KCNH7: variants seen among roughly 807,000 people sequenced by gnomAD.
KCNH7 encodes the protein voltage-gated inwardly rectifying potassium channel KCNH7.
A neutral mutation model predicts 120.8 loss-of-function variants in KCNH7; 49 were observed. That is an observed-to-expected ratio of 0.41 (90% CI 0.32 to 0.51). KCNH7 has a LOEUF of 0.51. Among genes scored for constraint, KCNH7 ranks in the 20% least tolerant of loss-of-function variants. The pLI is 0.38. For missense variants in KCNH7, 1,097 were observed against 1,446.6 expected, an observed-to-expected ratio of 0.76 and a Z score of 3.92; for synonymous variants, 547 against 516.1, an observed-to-expected ratio of 1.06 and a Z score of -0.81.
At position 162,638,530 on chromosome 2, in the gene KCNH7, CG is replaced by C. The variant is rs1444583929; in HGVS notation, c.308-101451del. Among the ~76,000 whole-genome samples the C allele has an allele frequency of 2.6e-5, 4 of 151,992 alleles. No homozygotes were observed. In the East Asian group the frequency reaches 7.7e-4, roughly 29 times the overall value. ...AACATGTCACATCATTAACTCTGAA[CG>C]GTTGATGAAATAGTAATAAAGAGCA... On this transcript the variant is annotated intron_variant, in intron 2 of 15. Transcript: ENST00000332142.
rs181220106 is a variant in KCNH7, at chr2:162,712,615, G to A, written c.307+123922C>T. Among the ~76,000 whole-genome samples the A allele has an allele frequency of 6.1e-4, 93 of 151,856 alleles. 3 individuals carry two copies. In the East Asian group the frequency reaches 0.016, roughly 27 times the overall value. ...AGATGACAGATTAAATGAACAATTC[G>A]GTCTCAAAATGTTCTTGAAATAGGT... is the stretch of plus-strand genomic sequence containing the variant. On this transcript the variant is annotated intron_variant, in intron 2 of 15. Transcript: ENST00000332142.
At chr2:162,817,230 C>T (rs1381939348) in intron 2 of KCNH7, among the ~76,000 whole-genome samples, 4 of 152,114 alleles carry the variant, frequency 2.6e-5, no homozygotes, top group African/African-American at 9.7e-5. Flanking sequence ...ATCCTTAACC[C>T]CCCGTCCTAG....
intron 2 of KCNH7, among the ~76,000 whole-genome samples, chr2:162,640,501 TA>T (rs74364557): frequency 2.7e-5 from 4 of 150,492 alleles, no homozygotes; most frequent in African/African-American, 7.3e-5. Context: ...CCATATACAT[TA>T]AAAAAAAATG....
intron 6 of KCNH7, among the ~76,000 whole-genome samples, chr2:162,474,681 C>T (rs375394106): frequency 6.6e-6 from 1 of 152,234 alleles, no homozygotes. Flanking sequence ...TAGGCTGTTG[C>T]TCTGGAGGAA....
At chr2:162,679,250 G>A (rs1574256540) in intron 2 of KCNH7, among the ~76,000 whole-genome samples, 1 of 151,394 alleles carries the variant, frequency 6.6e-6, no homozygotes, top group East Asian at 1.9e-4. Flanking sequence ...GAGCAGAAAG[G>A]GTTGCTATCA....
Position 162,570,102 on chromosome 2 carries a change from G to T in KCNH7, c.308-33022C>A, listed in dbSNP as rs1424566417. 4.7e-5 allele frequency among the ~76,000 whole-genome samples: 7 copies of T among 148,114 alleles called. No individual in the cohort carries two copies. The South Asian group carries it at 1.5e-3, about 33-fold the overall frequency. ...GGTAACCTTGTTGACTTTCTGTCTC[G>T]TTGATCTGTCTAATGTTGATAGTGG... On this transcript the variant is annotated intron_variant, in intron 2 of 15. Transcript: ENST00000332142.
intron 2 of KCNH7, among the ~76,000 whole-genome samples, chr2:162,555,904 G>T (rs557830585): frequency 1.3e-5 from 2 of 152,002 alleles, no homozygotes; most frequent in African/African-American, 4.8e-5. Flanking sequence ...TGTAAATAAA[G>T]ATGTTAATTT....
intron 3 of KCNH7, among the ~76,000 whole-genome samples, chr2:162,521,964 G>A (rs970042960): frequency 1.3e-5 from 2 of 151,618 alleles, no homozygotes; most frequent in African/African-American, 4.8e-5. Context: ...TCTCTCTATG[G>A]TAAAAGACAT....
At chr2:162,517,474 C>T (rs1216679413) in intron 4 of KCNH7, among the ~76,000 whole-genome samples, 4 of 151,724 alleles carry the variant, frequency 2.6e-5, no homozygotes. Flanking sequence ...ATTAACACTC[C>T]ATGTGGTAGG....
chr2:162,470,638 C>G lies in KCNH7; in HGVS notation c.1129-24195G>C, dbSNP rs56811376. Among the ~76,000 whole-genome samples, 397 of 151,366 alleles carry G rather than the reference C, an allele frequency of 2.6e-3. 2 individuals are homozygous for G. The highest frequency in any genetic ancestry group is 4.7e-3 in the Non-Finnish European group (318 of 67,726). On this transcript the variant is annotated intron_variant, in intron 6 of 15. Coordinates refer to ENST00000332142, the MANE Select transcript of KCNH7 (RefSeq NM_033272.4). ...GAGGGAGGTGGGGGGGTCAGCCCCC[C>G]GCCCGGCCAGCCGCCCCGTCCGGGA... is the stretch of plus-strand genomic sequence containing the variant.
chr2:162,371,564 C>A lies in KCNH7; in HGVS notation c.*265G>T. On this transcript the variant is annotated 3_prime_UTR_variant, in exon 16 of 16. Coordinates refer to ENST00000332142, the MANE Select transcript of KCNH7 (RefSeq NM_033272.4). ...AGAGAAATTGGAGTTTCCTAACATGCATGTGATTTAAAAAATAAAAATAAA... is the reference window on the plus strand; with the variant it reads ...AGAGAAATTGGAGTTTCCTAACATGAATGTGATTTAAAAAATAAAAATAAA... 1.2e-6 allele frequency: 1 copy of A among 849,856 alleles called. No homozygotes were observed. Among genetic ancestry groups the A allele is most frequent in the Non-Finnish European group, 1.6e-6 (1 of 626,400 alleles). The allele number at this position is 849,856 out of a possible 1,614,324, so 52.6% of individuals were successfully genotyped here.
Position 162,519,020 on chromosome 2 carries a change from T to A in KCNH7, c.464-862A>T, listed in dbSNP as rs184980427. ...ACTAGTAGTAAAAACTGCAAAGTAA[T>A]ACAAGAGGATATAATTTTTCTAGTC... On this transcript the variant is annotated intron_variant, in intron 3 of 15. Transcript: ENST00000332142. 3.1e-4 allele frequency among the ~76,000 whole-genome samples: 47 copies of A among 151,846 alleles called. 1 individual carries two copies. Among genetic ancestry groups the A allele is most frequent in the African/African-American group, 1.1e-3 (45 of 41,512 alleles).
At chr2:162,414,438 T>C (rs931697510) in intron 9 of KCNH7, among the ~76,000 whole-genome samples, 4 of 151,272 alleles carry the variant, frequency 2.6e-5, no homozygotes, top group African/African-American at 9.7e-5. Context: ...TATTATTATA[T>C]TATGCATTAT....
intron 11 of KCNH7, among the ~76,000 whole-genome samples, chr2:162,396,454 A>T (rs1200895462): frequency 6.6e-6 from 1 of 151,832 alleles, no homozygotes. Flanking sequence ...TAATTGGCAC[A>T]CTATAAACAA....
chr2:162,538,947 T>C (rs1026440599), intron 2 of KCNH7, among the ~76,000 whole-genome samples: 5 of 152,238 alleles, frequency 3.3e-5, no homozygotes, highest in Admixed American at 3.3e-4. Context: ...TGTGGATAAC[T>C]TTATTTATAA....
At chr2:162,796,478 T>G (rs1684152162) in intron 2 of KCNH7, 1 of 152,144 alleles carries the variant, frequency 6.6e-6, no homozygotes, top group South Asian at 2.1e-4. Context: ...AAGCTTAGTG[T>G]GCTTACGTAC....
At chr2:162,720,336 G>A (rs571329930) in intron 2 of KCNH7, among the ~76,000 whole-genome samples, 29 of 150,680 alleles carry the variant, frequency 1.9e-4, no homozygotes, top group Admixed American at 1.9e-3. Flanking sequence ...GAGAGAGAGG[G>A]AGAGAGAGAA....
chr2:162,591,529 G>T (rs1291358787), intron 2 of KCNH7, among the ~76,000 whole-genome samples: 5 of 151,984 alleles, frequency 3.3e-5, no homozygotes, highest in African/African-American at 9.7e-5. Context: ...CCATGCAAGG[G>T]ATAAGATAAA....
chr2:162,662,935 G>T (rs539397089), intron 2 of KCNH7, among the ~76,000 whole-genome samples: 3 of 152,266 alleles, frequency 2.0e-5, no homozygotes, highest in African/African-American at 7.2e-5. Flanking sequence ...AAAGACTTGG[G>T]TTCTTCTTAC....
Sources: gnomAD v4.1 joint callset for allele counts (sites outside exome capture counted in the v4.1 genomes callset) on GRCh38, gnomAD v4.1.1 for gene constraint, MANE v1.5 for transcripts, NCBI Gene and HGNC (gene_info 2026-07-23, HGNC 2026-07-21) for gene names.